SAMMSON: variants seen among roughly 807,000 people sequenced by gnomAD.
SAMMSON encodes survival associated mitochondrial melanoma specific oncogenic non-coding RNA.
intron 3 of SAMMSON, among the ~76,000 whole-genome samples, chr3:70,037,423 T>A (rs1050461649): frequency 6.6e-6 from 1 of 151,906 alleles, no homozygotes; most frequent in African/African-American, 2.4e-5. Context: ...CATAACTCAA[T>A]CTCCTCCTCC....
intron 3 of SAMMSON, among the ~76,000 whole-genome samples, chr3:70,037,086 C>A (rs1449365084): frequency 6.6e-6 from 1 of 151,620 alleles, no homozygotes; most frequent in African/African-American, 2.4e-5. Context: ...ATTTTCAATG[C>A]CTGGAACATA....
At chr3:70,003,779 G>T (rs1385884011) in intron 1 of SAMMSON, among the ~76,000 whole-genome samples, 1 of 151,738 alleles carries the variant, frequency 6.6e-6, no homozygotes, top group Non-Finnish European at 1.5e-5. Context: ...TCTTCCTTCA[G>T]CTTAAAGAAT....
intron 2 of SAMMSON, among the ~76,000 whole-genome samples, chr3:70,414,710 TC>T (rs1257689388): frequency 6.6e-6 from 1 of 152,198 alleles, no homozygotes; most frequent in Non-Finnish European, 1.5e-5. Flanking sequence ...ATCTGTTTTC[TC>T]ATTTGTAAAA....
intron 3 of SAMMSON, among the ~76,000 whole-genome samples, chr3:70,052,657 G>A (rs1004019890): frequency 6.6e-6 from 1 of 152,054 alleles, no homozygotes. Flanking sequence ...TTTAAATCAA[G>A]GTTTCTCAGT....
downstream of SAMMSON, among the ~76,000 whole-genome samples, chr3:70,393,034 G>A (rs1701062896): frequency 6.6e-6 from 1 of 152,148 alleles, no homozygotes; most frequent in African/African-American, 2.4e-5. Context: ...TCTTTCTGAA[G>A]AAATATGATC....
chr3:70,252,369 T>A (rs895868896), intron 6 of SAMMSON, among the ~76,000 whole-genome samples: 1 of 152,210 alleles, frequency 6.6e-6, no homozygotes, highest in Non-Finnish European at 1.5e-5. Context: ...TGCTTCAGTG[T>A]ATGACTTTTT....
At chr3:70,094,187 T>C in intron 4 of SAMMSON, among the ~76,000 whole-genome samples, 1 of 152,152 alleles carries the variant, frequency 6.6e-6, no homozygotes, top group Non-Finnish European at 1.5e-5. Flanking sequence ...AAAATATCTC[T>C]TGATCATGCC....
chr3:70,349,701 A>G (rs1241511909), intron 7 of SAMMSON, among the ~76,000 whole-genome samples: 5 of 152,182 alleles, frequency 3.3e-5, no homozygotes, highest in Non-Finnish European at 7.3e-5. Context: ...ACAAGGAAAC[A>G]GTATGAGCAA....
intron 4 of SAMMSON, among the ~76,000 whole-genome samples, chr3:70,199,865 A>G (rs1001548348): frequency 1.3e-5 from 2 of 152,116 alleles, no homozygotes; most frequent in African/African-American, 4.8e-5. Flanking sequence ...CATATATGCT[A>G]TTGCCTGCTG....
chr3:70,278,220 C>T (rs561164341), intron 6 of SAMMSON, among the ~76,000 whole-genome samples: 1 of 152,150 alleles, frequency 6.6e-6, no homozygotes, highest in African/African-American at 2.4e-5. Context: ...ATTTGTCCAA[C>T]GTTTTGTCTG....
At position 70,249,863 on chromosome 3, in the gene SAMMSON, A is replaced by G. The variant is rs73838085; in HGVS notation, n.674+193A>G. Among the ~76,000 whole-genome samples the G allele has an allele frequency of 3.4e-3, 516 of 152,198 alleles. 2 individuals are homozygous for G. Among genetic ancestry groups the G allele is most frequent in the African/African-American group, 0.012 (490 of 41,528 alleles). The stretch of plus-strand genomic sequence containing the variant: ...TAAAATAAGATGCTGAAATTCCTTT[A>G]TTTGCTAACGTTAATAAAAAAATTC... On this transcript the variant is annotated intron_variant and non_coding_transcript_variant, in intron 6 of 9. Coordinates refer to ENST00000642114, the Ensembl canonical transcript of SAMMSON.
At position 70,283,023 on chromosome 3, in the gene SAMMSON, C is replaced by T. The variant is rs115025305; in HGVS notation, n.675-8156C>T. ...AGGAGACTGAAAAAACAGTTGATTA[C>T]ATCTCAATCACAAGACGTTGAGGCT... On this transcript the variant is annotated intron_variant and non_coding_transcript_variant, in intron 6 of 9. Coordinates refer to ENST00000642114, the Ensembl canonical transcript of SAMMSON. 4.8e-3 allele frequency among the ~76,000 whole-genome samples: 730 copies of T among 152,272 alleles called. 2 individuals carry two copies. The highest frequency in any genetic ancestry group is 8.4e-3 in the Non-Finnish European group (573 of 68,010).
chr3:70,028,663 A>T (rs1346246961), intron 3 of SAMMSON, among the ~76,000 whole-genome samples: 1 of 152,218 alleles, frequency 6.6e-6, no homozygotes, highest in Non-Finnish European at 1.5e-5. Context: ...TGTGTGGTCT[A>T]TTCTCTTTGT....
intron 3 of SAMMSON, among the ~76,000 whole-genome samples, chr3:70,066,177 T>A (rs967746879): frequency 6.6e-6 from 1 of 152,152 alleles, no homozygotes; most frequent in African/African-American, 2.4e-5. Flanking sequence ...GAAAACCCTA[T>A]ATTAATATCA....
chr3:70,318,634 T>C (rs1250407606), intron 7 of SAMMSON, among the ~76,000 whole-genome samples: 1 of 151,996 alleles, frequency 6.6e-6, no homozygotes, highest in African/African-American at 2.4e-5. Context: ...ATTGACTGCT[T>C]GTTTTCTTGT....
intron 4 of SAMMSON, chr3:70,071,896 A>T (rs147172037): frequency 6.6e-6 from 1 of 151,974 alleles, no homozygotes; most frequent in Non-Finnish European, 1.5e-5. Flanking sequence ...GCTTTTTGAC[A>T]CTGAATAGAC....
intron 6 of SAMMSON, among the ~76,000 whole-genome samples, chr3:70,250,411 TCACACACACACACA>T (rs61355248): frequency 0.27 from 33,370 of 124,780 alleles, 4,101 homozygotes; most frequent in Admixed American, 0.39. Context: ...TTAATGAATC[TCACACACACACACA>T]CACACACACA....
At chr3:70,073,573 AT>A (rs1309954624) in intron 4 of SAMMSON, among the ~76,000 whole-genome samples, 1 of 151,752 alleles carries the variant, frequency 6.6e-6, no homozygotes, top group South Asian at 2.1e-4. Flanking sequence ...GGTTTAGTTG[AT>A]TTTTCCCCCT....
chr3:70,008,768 T>C (rs2066941064), intron 1 of SAMMSON, among the ~76,000 whole-genome samples: 1 of 152,228 alleles, frequency 6.6e-6, no homozygotes, highest in South Asian at 2.1e-4. Context: ...TGATATTGGC[T>C]GTGGGTTTGT....
Sources: gnomAD v4.1 joint callset for allele counts (sites outside exome capture counted in the v4.1 genomes callset) on GRCh38, gnomAD v4.1.1 for gene constraint, MANE v1.5 for transcripts, NCBI Gene and HGNC (gene_info 2026-07-23, HGNC 2026-07-21) for gene names.